Variants in DCLK1 observed in about 807,000 individuals in gnomAD.
DCLK1 encodes doublecortin like kinase 1.
A neutral mutation model predicts 86.2 loss-of-function variants in DCLK1; 16 were observed. The ratio of observed to expected loss-of-function variants is 0.19; its 90% CI spans 0.13 to 0.28. DCLK1 has a LOEUF of 0.28. Among genes scored for constraint, DCLK1 ranks in the 10% least tolerant of loss-of-function variants. The pLI, the probability that DCLK1 is intolerant of heterozygous loss-of-function variation, is 1.00. For synonymous variants in DCLK1, 369 were observed against 370.5 expected (o/e 1.00, Z 0.05); for missense variants, 590 against 940.2 (o/e 0.63, Z 4.87).
chr13:35,901,814 C>T (rs1874383514), intron 4 of DCLK1, among the ~76,000 whole-genome samples: 1 of 152,084 alleles, frequency 6.6e-6, no homozygotes, highest in Non-Finnish European at 1.5e-5. Context: ...CACTCACTGC[C>T]AACCACGACT....
intron 3 of DCLK1, among the ~76,000 whole-genome samples, chr13:35,959,998 T>C (rs886970997): frequency 1.3e-5 from 2 of 152,152 alleles, no homozygotes; most frequent in African/African-American, 4.8e-5. Flanking sequence ...TTGTTTTCTG[T>C]GTCCTTCCTC....
chr13:36,036,376 A>C (rs9531382), intron 3 of DCLK1, among the ~76,000 whole-genome samples: 7,167 of 152,130 alleles, frequency 0.047, 174 homozygotes, highest in Middle Eastern at 0.092. Flanking sequence ...CACCGGCTCG[A>C]CCTCGAATTC....
At chr13:35,936,393 C>T (rs1293933507) in intron 4 of DCLK1, among the ~76,000 whole-genome samples, 1 of 152,142 alleles carries the variant, frequency 6.6e-6, no homozygotes, top group African/African-American at 2.4e-5. Flanking sequence ...GATCCTATTC[C>T]AGAAATGTCA....
intron 3 of DCLK1, among the ~76,000 whole-genome samples, chr13:36,056,926 T>TATATATAC (rs909139119): frequency 6.9e-6 from 1 of 145,450 alleles, no homozygotes; most frequent in Non-Finnish European, 1.5e-5. Context: ...TATATATATA[T>TATATATAC]ACACACACAC....
chr13:35,994,404 G>A (rs1261954902), intron 3 of DCLK1, among the ~76,000 whole-genome samples: 1 of 152,146 alleles, frequency 6.6e-6, no homozygotes, highest in African/African-American at 2.4e-5. Context: ...CAGCCCACAA[G>A]AAAAACCTGA....
chr13:36,084,862 A>G (rs952128623), intron 3 of DCLK1, among the ~76,000 whole-genome samples: 14 of 152,230 alleles, frequency 9.2e-5, no homozygotes, highest in Non-Finnish European at 1.5e-4. Context: ...GTACTTTCCC[A>G]TCAGAAATAA....
intron 16 of DCLK1, among the ~76,000 whole-genome samples, chr13:35,775,111 C>G (rs1451852154): frequency 1.3e-5 from 2 of 152,166 alleles, no homozygotes; most frequent in Non-Finnish European, 2.9e-5. Flanking sequence ...CTCAGGGTAG[C>G]TGCATAATAC....
chr13:35,992,442 GC>G (rs1249642735), intron 3 of DCLK1, among the ~76,000 whole-genome samples: 18 of 124,532 alleles, frequency 1.4e-4, no homozygotes, highest in African/African-American at 4.6e-4. Flanking sequence ...AAAAGAAAGT[GC>G]TTTTTTTTTT....
At chr13:36,006,640 G>A (rs563486878) in intron 3 of DCLK1, among the ~76,000 whole-genome samples, 1 of 152,296 alleles carries the variant, frequency 6.6e-6, no homozygotes, top group East Asian at 1.9e-4. Flanking sequence ...CCACGGGGGA[G>A]AAAAAATTAC....
Position 35,889,645 on chromosome 13 carries a change from C to A in DCLK1, c.824-18305G>T, listed in dbSNP as rs553212477. 7.7e-4 allele frequency among the ~76,000 whole-genome samples: 117 copies of A among 152,222 alleles called. 1 individual carries two copies. The highest frequency in any genetic ancestry group is 3.4e-3 in the Middle Eastern group (1 of 294). ...TCATTCCATCATCGTTTTCTTTCCC[C>A]CCTTAAGATTTGGTGATACATCTTA... On this transcript the variant is annotated intron_variant, in intron 4 of 16. Transcript: ENST00000360631.
intron 3 of DCLK1, among the ~76,000 whole-genome samples, chr13:36,082,307 TTAA>T (rs1471527418): frequency 6.6e-6 from 1 of 152,194 alleles, no homozygotes; most frequent in Non-Finnish European, 1.5e-5. Flanking sequence ...ATATTTTATC[TTAA>T]TAATATTTTC....
chr13:35,947,498 C>T (rs1347774663), intron 3 of DCLK1, 41 bp from the exon 4 acceptor site: 2 of 1,542,920 alleles, frequency 1.3e-6, no homozygotes, highest in Non-Finnish European at 8.9e-7. Flanking sequence ...GGTGGTAGAA[C>T]AGCAATTACA....
At chr13:35,872,275 G>C (rs1184457102) in intron 4 of DCLK1, among the ~76,000 whole-genome samples, 1 of 152,132 alleles carries the variant, frequency 6.6e-6, no homozygotes, top group East Asian at 1.9e-4. Flanking sequence ...CTTTATTTTT[G>C]GAGGGGGGTA....
chr13:36,129,055 T>C (rs1159693747), intron 1 of DCLK1, among the ~76,000 whole-genome samples: 3 of 152,252 alleles, frequency 2.0e-5, no homozygotes, highest in Non-Finnish European at 4.4e-5. Context: ...AAGTTTGTGT[T>C]TTATTCTTAA....
At chr13:36,066,938 G>C (rs928279100) in intron 3 of DCLK1, among the ~76,000 whole-genome samples, 1 of 149,036 alleles carries the variant, frequency 6.7e-6, no homozygotes, top group African/African-American at 2.5e-5. Flanking sequence ...GGAGAAATAG[G>C]AACACTTTTA....
chr13:36,093,621 A>G (rs1318422107), intron 3 of DCLK1, among the ~76,000 whole-genome samples: 1 of 152,198 alleles, frequency 6.6e-6, no homozygotes, highest in African/African-American at 2.4e-5. Context: ...CTAGCACATT[A>G]TCATTCAATC....
intron 3 of DCLK1, among the ~76,000 whole-genome samples, chr13:35,976,140 G>T (rs1879316235): frequency 6.6e-6 from 1 of 152,174 alleles, no homozygotes; most frequent in Admixed American, 6.5e-5. Flanking sequence ...AGGATGACAT[G>T]CGGGTAGGGT....
intron 16 of DCLK1, among the ~76,000 whole-genome samples, chr13:35,789,984 T>C (rs1228152348): frequency 6.6e-6 from 1 of 152,138 alleles, no homozygotes; most frequent in East Asian, 1.9e-4. Context: ...AGGAATGCAA[T>C]GCCTTCCACC....
chr13:35,812,156 T>A (rs1310906765), intron 11 of DCLK1, among the ~76,000 whole-genome samples: 1 of 152,216 alleles, frequency 6.6e-6, no homozygotes, highest in Middle Eastern at 3.2e-3. Context: ...CCAGCCACGA[T>A]CAAAACAAAT....
Sources: allele counts gnomAD v4.1 joint callset (sites outside exome capture counted in the v4.1 genomes callset), GRCh38; gene constraint gnomAD v4.1.1; transcripts MANE v1.5; gene names NCBI Gene and HGNC (gene_info 2026-07-23, HGNC 2026-07-21).